The following MYO3B variants were observed in gnomAD, a reference collection of about 807,000 sequenced individuals.
MYO3B encodes the protein myosin IIIB.
In MYO3B, 156 loss-of-function variants were observed where a neutral mutation model predicts 174.6. That is an observed-to-expected ratio of 0.89 (90% CI 0.78 to 1.02). The LOEUF is 1.02. Among genes scored for constraint, MYO3B ranks in the 50% least tolerant of loss-of-function variants. MYO3B has a pLI of 0.00. For missense variants in MYO3B, 1,632 were observed against 1,639.4 expected, an observed-to-expected ratio of 1.00 and a Z score of 0.08; for synonymous variants, 563 against 569.1, an observed-to-expected ratio of 0.99 and a Z score of 0.15.
intron 7 of MYO3B, among the ~76,000 whole-genome samples, chr2:170,284,138 A>G (rs1269329382): frequency 1.3e-5 from 2 of 152,138 alleles, no homozygotes; most frequent in African/African-American, 4.8e-5. Flanking sequence ...CTATCCCTTT[A>G]AAGCTGGGGG....
In MYO3B at chr2:170,385,487, C is replaced by A. The variant is rs191635684; in HGVS notation, c.1291-702C>A. On this transcript the variant is annotated intron_variant, in intron 12 of 34. Coordinates refer to ENST00000408978, the MANE Select transcript of MYO3B (RefSeq NM_138995.5). ...GGAGCTCAGTGCCAGGAACCAGGGA[C>A]AAAGACCCAATATATAATTTTTATT... 1.4e-4 allele frequency among the ~76,000 whole-genome samples: 22 copies of A among 152,226 alleles called. 1 individual carries two copies. In the East Asian group the frequency reaches 4.1e-3, roughly 28 times the overall value.
At chr2:170,405,428 A>G (rs2094503588) in intron 20 of MYO3B, 117 bp from the exon 21 acceptor site, 1 of 809,676 alleles carries the variant, frequency 1.2e-6, no homozygotes, top group South Asian at 1.6e-5. Flanking sequence ...CCTTGTTAAT[A>G]TCAAGGCCTT....
chr2:170,626,179 G>GT (rs773656188), intron 32 of MYO3B, among the ~76,000 whole-genome samples: 12 of 151,968 alleles, frequency 7.9e-5, no homozygotes, highest in Admixed American at 5.2e-4. Flanking sequence ...TTATTATTGT[G>GT]TGGGAGTCTA....
chr2:170,288,025 T>C (rs2093569367), intron 7 of MYO3B, among the ~76,000 whole-genome samples: 1 of 152,164 alleles, frequency 6.6e-6, no homozygotes, highest in African/African-American at 2.4e-5. Context: ...AAAGATGAGC[T>C]GATTGTAAAT....
At chr2:170,465,089 T>A (rs933394103) in intron 24 of MYO3B, among the ~76,000 whole-genome samples, 2 of 151,816 alleles carry the variant, frequency 1.3e-5, no homozygotes, top group Middle Eastern at 3.4e-3. Context: ...GCCAGTCCGG[T>A]CTCGAACTCC....
At chr2:170,482,161 T>G (rs980426423) in intron 25 of MYO3B, among the ~76,000 whole-genome samples, 20 of 146,564 alleles carry the variant, frequency 1.4e-4, no homozygotes, top group Admixed American at 6.8e-5. Context: ...TTCTCTCTCT[T>G]TTTTTTTTTT....
chr2:170,335,080 A>G (rs142828471), intron 7 of MYO3B, among the ~76,000 whole-genome samples: 2 of 152,242 alleles, frequency 1.3e-5, no homozygotes, highest in Non-Finnish European at 2.9e-5. Context: ...CAGCTCTGTT[A>G]TAGTAGTTTG....
chr2:170,646,775 T>C, intron 32 of MYO3B: 2 of 438,218 alleles, frequency 4.6e-6, no homozygotes, highest in Non-Finnish European at 4.0e-6. Context: ...CCCTCCCACA[T>C]TGTCTTTTAA....
chr2:170,235,137 G>A (rs977811091), intron 6 of MYO3B, among the ~76,000 whole-genome samples: 1 of 152,202 alleles, frequency 6.6e-6, no homozygotes, highest in African/African-American at 2.4e-5. Context: ...TGGATCATCA[G>A]ACATTGAAGT....
At chr2:170,429,905 T>A (rs2094694942) in intron 22 of MYO3B, among the ~76,000 whole-genome samples, 3 of 151,950 alleles carry the variant, frequency 2.0e-5, no homozygotes, top group African/African-American at 7.3e-5. Flanking sequence ...CCTTTCCCCT[T>A]CCCCCCAAGA....
chr2:170,189,044 C>A (rs2092506458), intron 1 of MYO3B, among the ~76,000 whole-genome samples: 1 of 152,086 alleles, frequency 6.6e-6, no homozygotes, highest in Non-Finnish European at 1.5e-5. Context: ...TGGTGCTGAT[C>A]AAATCCCTCA....
chr2:170,431,528 T>G (rs1212968116), intron 22 of MYO3B, among the ~76,000 whole-genome samples: 1 of 152,236 alleles, frequency 6.6e-6, no homozygotes, highest in African/African-American at 2.4e-5. Flanking sequence ...AGCTGTAGTT[T>G]ATATTCTAAA....
intron 9 of MYO3B, among the ~76,000 whole-genome samples, chr2:170,372,930 T>C (rs1357218696): frequency 6.6e-6 from 1 of 152,078 alleles, no homozygotes; most frequent in Non-Finnish European, 1.5e-5. Flanking sequence ...TTAGTTGACA[T>C]GGCTGGAGCT....
chr2:170,453,652 A>G (rs1271787545), intron 23 of MYO3B, among the ~76,000 whole-genome samples: 1 of 152,208 alleles, frequency 6.6e-6, no homozygotes, highest in East Asian at 1.9e-4. Context: ...TACAAAAGAA[A>G]ATGATCACTT....
chr2:170,536,100 G>A (rs924731274), intron 30 of MYO3B, among the ~76,000 whole-genome samples: 1 of 152,208 alleles, frequency 6.6e-6, no homozygotes. Context: ...AGTAGTGAAG[G>A]AGGGAAAAGA....
At chr2:170,509,732 G>A (rs1001223731) in intron 28 of MYO3B, among the ~76,000 whole-genome samples, 3 of 152,184 alleles carry the variant, frequency 2.0e-5, no homozygotes, top group African/African-American at 7.2e-5. Flanking sequence ...CTGAAAGATA[G>A]CAAGTTCCAT....
intron 7 of MYO3B, among the ~76,000 whole-genome samples, chr2:170,315,044 C>G (rs13016254): frequency 0.39 from 59,569 of 152,046 alleles, 14,131 homozygotes; most frequent in East Asian, 0.63. Context: ...TTAGGACTAT[C>G]AAGTTTTGCT....
At chr2:170,362,768 G>A (rs77593810) in intron 8 of MYO3B, among the ~76,000 whole-genome samples, 2,274 of 152,286 alleles carry the variant, frequency 0.015, 57 homozygotes, top group Middle Eastern at 0.048. Context: ...GTGATATTCA[G>A]ACTTCAGGAA....
chr2:170,542,256 A>G (rs1690162692), intron 30 of MYO3B, among the ~76,000 whole-genome samples: 1 of 152,190 alleles, frequency 6.6e-6, no homozygotes, highest in Non-Finnish European at 1.5e-5. Context: ...GTACACTCTT[A>G]TACAATGTGT....
Sources: allele counts gnomAD v4.1 joint callset (sites outside exome capture counted in the v4.1 genomes callset), GRCh38; gene constraint gnomAD v4.1.1; transcripts MANE v1.5; gene names NCBI Gene and HGNC (gene_info 2026-07-23, HGNC 2026-07-21).